NXN: variants seen among roughly 807,000 people sequenced by gnomAD.
NXN encodes nucleoredoxin.
Under a neutral mutation model 48.6 loss-of-function variants are expected in NXN, and 16 were observed. That is an observed-to-expected ratio of 0.33 (90% CI 0.22 to 0.50). NXN has a LOEUF of 0.50. Among genes scored for constraint, NXN ranks in the 20% least tolerant of loss-of-function variants. The pLI is 0.98. For synonymous variants in NXN, 281 were observed against 269.6 expected (o/e 1.04, Z -0.41); for missense variants, 492 against 605.5 (o/e 0.81, Z 1.97).
At chr17:906,130 C>G (rs2068579324) in intron 1 of NXN, among the ~76,000 whole-genome samples, 1 of 152,108 alleles carries the variant, frequency 6.6e-6, no homozygotes, top group South Asian at 2.1e-4. Context: ...GTATCTGGGT[C>G]TCAGGGGCCT....
intron 5 of NXN, among the ~76,000 whole-genome samples, chr17:809,934 T>C (rs75648594): frequency 0.14 from 15,268 of 107,662 alleles, 2,518 homozygotes; most frequent in East Asian, 0.23. Context: ...TCCGTGTGAG[T>C]GGCGTGTACG....
intron 1 of NXN, among the ~76,000 whole-genome samples, chr17:953,434 A>AC (rs1225167357): frequency 6.7e-6 from 1 of 149,406 alleles, no homozygotes; most frequent in East Asian, 2.0e-4. Context: ...AAAGACTATG[A>AC]CCCCCCTCCC....
chr17:894,793 A>G (rs2068458510), intron 1 of NXN, among the ~76,000 whole-genome samples: 2 of 152,140 alleles, frequency 1.3e-5, no homozygotes, highest in African/African-American at 4.8e-5. Context: ...CAGTTTTGCT[A>G]AACTGGCTGC....
chr17:895,636 C>T (rs1165298444), intron 1 of NXN, among the ~76,000 whole-genome samples: 57 of 120,508 alleles, frequency 4.7e-4, no homozygotes, highest in South Asian at 1.0e-3. Flanking sequence ...CACGGTGAAA[C>T]CCCGTCTCTA....
intron 1 of NXN, among the ~76,000 whole-genome samples, chr17:955,744 CAA>C (rs1364739902): frequency 6.6e-6 from 1 of 150,912 alleles, no homozygotes; most frequent in South Asian, 2.1e-4. Context: ...AAAAAAAATA[CAA>C]AAAAAATTAG....
chr17:889,761 A>AAAAGAAAG (rs758144919), intron 1 of NXN, among the ~76,000 whole-genome samples: 821 of 70,748 alleles, frequency 0.012, 23 homozygotes, highest in South Asian at 0.028. Context: ...GAAAGAAAGA[A>AAAAGAAAG]AAAGAAAGAA....
chr17:812,791 GGTGTGTGTGCGTGAGTGTAGGT>G (rs1912188525), intron 5 of NXN, among the ~76,000 whole-genome samples: 1 of 147,406 alleles, frequency 6.8e-6, no homozygotes, highest in Non-Finnish European at 1.5e-5. Flanking sequence ...CATGTGTGTA[GGTGTGTGTGCGTGAGTGTAGGT>G]GTGTGTGCGA....
chr17:855,699 T>C (rs1290181498), intron 1 of NXN, among the ~76,000 whole-genome samples: 1 of 152,160 alleles, frequency 6.6e-6, no homozygotes, highest in Non-Finnish European at 1.5e-5. Flanking sequence ...ATGGGATATG[T>C]AGAATAAATT....
chr17:878,830 T>A (rs532109552), intron 1 of NXN, among the ~76,000 whole-genome samples: 172 of 152,170 alleles, frequency 1.1e-3, no homozygotes, highest in Non-Finnish European at 2.1e-3. Flanking sequence ...CAGAGCCAGT[T>A]AAAAGCTCTA....
chr17:825,977 G>A lies in NXN; in HGVS notation c.462C>T (p.Ile154=), dbSNP rs1353476. ...KVVCRNGLLV[I]RDDPEGLEFP... ...AGGTTTTACCTTCTGGGTCATCTCG[G>A]ATCACCAGCAGCCCGTTCCTGCACA... is the stretch of plus-strand genomic sequence containing the variant. The change falls in exon 2 of 8, where the codon ATC becomes ATT. Residue 154 remains isoleucine (I), a synonymous_variant. Coordinates refer to ENST00000336868, the MANE Select transcript of NXN (RefSeq NM_022463.5). This position sits in a 1 kb window ranked among gnomAD's most constrained non-coding sequence, Gnocchi z 4.1. 1.4e-5 allele frequency: 22 copies of A among 1,611,668 alleles called. No individual in the cohort carries two copies. Among genetic ancestry groups the A allele is most frequent in the Admixed American group, 6.7e-5 (4 of 59,840 alleles).
At chr17:929,108 G>C (rs1283031502) in intron 1 of NXN, among the ~76,000 whole-genome samples, 4 of 152,176 alleles carry the variant, frequency 2.6e-5, no homozygotes, top group Non-Finnish European at 4.4e-5. Flanking sequence ...AACTTAACTA[G>C]CTTCACATAA....
At chr17:808,968 C>T (rs952026468) in intron 5 of NXN, among the ~76,000 whole-genome samples, 4 of 152,190 alleles carry the variant, frequency 2.6e-5, no homozygotes, top group African/African-American at 9.7e-5. Flanking sequence ...TGAGGCACCG[C>T]ACCCAGCCAT....
intron 5 of NXN, among the ~76,000 whole-genome samples, chr17:816,203 G>A (rs1404903658): frequency 6.6e-6 from 1 of 152,172 alleles, no homozygotes; most frequent in African/African-American, 2.4e-5. Flanking sequence ...GTTACAATCA[G>A]GCAGTCACGT....
chr17:843,056 GAAGGAAGA>G (rs1233986510), intron 1 of NXN, among the ~76,000 whole-genome samples: 2 of 107,220 alleles, frequency 1.9e-5, no homozygotes, highest in African/African-American at 3.9e-5. Context: ...AAGAAAGAAA[GAAGGAAGA>G]AAGCAAGCAA....
chr17:841,124 G>C (rs1914150987), intron 1 of NXN, among the ~76,000 whole-genome samples: 2 of 152,338 alleles, frequency 1.3e-5, no homozygotes, highest in Admixed American at 1.3e-4. Flanking sequence ...TCCCTGCTAG[G>C]GTTACTGTGT....
intron 1 of NXN, among the ~76,000 whole-genome samples, chr17:885,529 G>A (rs564096178): frequency 2.0e-5 from 3 of 151,864 alleles, no homozygotes; most frequent in South Asian, 2.1e-4. Context: ...TTCATAGTCC[G>A]TCTCCTATGT....
intron 1 of NXN, among the ~76,000 whole-genome samples, chr17:947,525 G>A (rs2069057016): frequency 6.6e-6 from 1 of 151,728 alleles, no homozygotes; most frequent in African/African-American, 2.4e-5. Flanking sequence ...TTGAGGCCAG[G>A]AGTTCGAGAC....
At chr17:957,217 T>C (rs972688465) in intron 1 of NXN, among the ~76,000 whole-genome samples, 5 of 151,952 alleles carry the variant, frequency 3.3e-5, no homozygotes, top group African/African-American at 1.2e-4. Flanking sequence ...CTCATCCCTG[T>C]CACCACCCCC....
chr17:950,500 C>G (rs2360109), intron 1 of NXN, among the ~76,000 whole-genome samples: 58,942 of 149,726 alleles, frequency 0.39, 12,395 homozygotes, highest in African/African-American at 0.57. Flanking sequence ...CATCCCCTGT[C>G]GATTCCCCAA....
Sources: allele counts gnomAD v4.1 joint callset (sites outside exome capture counted in the v4.1 genomes callset), GRCh38; gene constraint gnomAD v4.1.1; non-coding constraint Gnocchi (gnomAD v3.1); transcripts MANE v1.5; gene names NCBI Gene and HGNC (gene_info 2026-07-23, HGNC 2026-07-21).